Variants in PIP5K1C observed in about 807,000 individuals in gnomAD.
PIP5K1C encodes the protein phosphatidylinositol 4-phosphate 5-kinase type-1 gamma.
A neutral mutation model predicts 80.1 loss-of-function variants in PIP5K1C; 45 were observed. That is an observed-to-expected ratio of 0.56 (90% CI 0.44 to 0.72). PIP5K1C has a LOEUF of 0.72. PIP5K1C is among the 30% of genes least tolerant of loss of function. PIP5K1C has a pLI of 0.00. For missense variants in PIP5K1C, 753 were observed against 954.6 expected, an observed-to-expected ratio of 0.79 and a Z score of 2.78; for synonymous variants, 498 against 420.1, an observed-to-expected ratio of 1.19 and a Z score of -2.27.
At chr19:3,643,085 C>T (rs540681723) in intron 13 of PIP5K1C, 146 bp from the exon 14 acceptor site, 69 of 1,468,022 alleles carry the variant, frequency 4.7e-5, no homozygotes, top group Admixed American at 1.4e-4. Context: ...ACATTGGATG[C>T]TCCGCCCCCG....
chr19:3,678,475 T>C lies in PIP5K1C; in HGVS notation c.95-11122A>G, dbSNP rs144527506. Among the ~76,000 whole-genome samples the C allele has an allele frequency of 7.8e-3, 403 of 51,804 alleles. 11 individuals carry two copies. The highest frequency in any genetic ancestry group is 0.06 in the Admixed American group (278 of 4,646). The allele number at this position is 51,804 out of a possible 152,430, so 34.0% of individuals were successfully genotyped here. A position where few individuals can be genotyped will look rare whatever the true frequency, so the allele number is the denominator to read the frequency against. The stretch of plus-strand genomic sequence containing the variant: ...GATGGAGGGATGGAGGATGGAGGGA[T>C]GGAGGAGGGATGGAGGCAAGGAGGA... On this transcript the variant is annotated intron_variant, in intron 1 of 17. Coordinates refer to ENST00000335312, the MANE Select transcript of PIP5K1C (RefSeq NM_012398.3).
rs576349171 is a variant in PIP5K1C at position 3,695,061 on chromosome 19, C to T, written c.94+5236G>A. On this transcript the variant is annotated intron_variant, in intron 1 of 17. Coordinates refer to ENST00000335312, the MANE Select transcript of PIP5K1C (RefSeq NM_012398.3). ...CCAATAAAACTTTGTTGACAAGAAG[C>T]GGCATGGACAGATTCGGGTGGGGTC... Among the ~76,000 whole-genome samples, 180 of 152,346 alleles carry T rather than the reference C, an allele frequency of 1.2e-3. 1 individual carries two copies. The highest frequency in any genetic ancestry group is 4.1e-3 in the African/African-American group (172 of 41,574).
At position 3,633,377 on chromosome 19, in the gene PIP5K1C, C is replaced by A. The variant is rs552957217; in HGVS notation, c.2004+60G>T. ...CCCTGCCTATCCCAGTAGCTGGGGA[C>A]CACGCTCAGTAGAACCTTGGAGCCC... is the stretch of plus-strand genomic sequence containing the variant. On this transcript the variant is annotated intron_variant, in intron 17 of 17. Transcript: ENST00000335312. 1.2e-3 allele frequency: 1,616 copies of A among 1,321,080 alleles called. 20 individuals are homozygous for A. The highest frequency in any genetic ancestry group is 3.7e-4 in the Non-Finnish European group (357 of 975,078). 81.8% of individuals were successfully genotyped at this position (1,321,080 alleles called of 1,614,324 possible).
At chr19:3,646,843 G>T (rs891633805) in intron 10 of PIP5K1C, among the ~76,000 whole-genome samples, 1 of 152,100 alleles carries the variant, frequency 6.6e-6, no homozygotes, top group African/African-American at 2.4e-5. Context: ...GGCCCCAGGC[G>T]GTACTCTGCG....
At chr19:3,659,154 C>T (rs552095334) in intron 5 of PIP5K1C, among the ~76,000 whole-genome samples, 54 of 152,348 alleles carry the variant, frequency 3.5e-4, no homozygotes, top group African/African-American at 1.1e-3. Flanking sequence ...CGAACCCTAC[C>T]TGTCCCCACT....
rs563667523 is a variant in PIP5K1C, at chr19:3,687,055, T to C, written c.94+13242A>G. On this transcript the variant is annotated intron_variant, in intron 1 of 17. Coordinates refer to ENST00000335312, the MANE Select transcript of PIP5K1C (RefSeq NM_012398.3). ...TAAAAACACAAAAATTAGCCGGGCA[T>C]AGTGGTGCACACCTATAATCCCAGC... 2.0e-5 allele frequency among the ~76,000 whole-genome samples: 3 copies of C among 152,256 alleles called. No individual in the cohort carries two copies. The East Asian group carries it at 5.8e-4, about 29-fold the overall frequency.
chr19:3,637,531 C>G lies in PIP5K1C; in HGVS notation c.1920+1353G>C, dbSNP rs1374626012. ...TCCCCAGGGTGGCCGGCTGCGGTCA[C>G]TTACAGTCCCCGAGGCGCTCAGCGT... On this transcript the variant is annotated intron_variant, in intron 16 of 17. Coordinates refer to ENST00000335312, the MANE Select transcript of PIP5K1C (RefSeq NM_012398.3). This position sits in a 1 kb window ranked among gnomAD's most constrained non-coding sequence, Gnocchi z 7.0. 1 of 1,534,742 alleles carries G rather than the reference C, an allele frequency of 6.5e-7. No individual in the cohort carries two copies. The highest frequency in any genetic ancestry group is 8.7e-7 in the Non-Finnish European group (1 of 1,146,394).
At chr19:3,650,539 A>G (rs995552725) in intron 8 of PIP5K1C, among the ~76,000 whole-genome samples, 13 of 152,158 alleles carry the variant, frequency 8.5e-5, no homozygotes, top group Admixed American at 7.9e-4. Context: ...GCTGCTCAGC[A>G]CCCTGCAGTG....
intron 16 of PIP5K1C, among the ~76,000 whole-genome samples, chr19:3,635,547 T>TG (rs746886247): frequency 5.9e-5 from 9 of 152,106 alleles, no homozygotes; most frequent in Non-Finnish European, 1.3e-4. Context: ...TATTGGGGCA[T>TG]GGTGGCAGGA....
chr19:3,648,744 G>T lies in PIP5K1C; in HGVS notation c.1128-36C>A. ...AGGCCGAGGGTACCATCAGCATCCCGCAGAGCTGGGACTCGGGGCAGGCGG... is the reference window on the plus strand; with the variant it reads ...AGGCCGAGGGTACCATCAGCATCCCTCAGAGCTGGGACTCGGGGCAGGCGG... On this transcript the variant is annotated intron_variant, in intron 8 of 17. Coordinates refer to ENST00000335312, the MANE Select transcript of PIP5K1C (RefSeq NM_012398.3). The surrounding 1 kb of genome is among the most constrained non-coding windows in gnomAD (Gnocchi z 4.3). 1 of 1,575,402 alleles carries T rather than the reference G, an allele frequency of 6.3e-7. No homozygotes were observed. The highest frequency in any genetic ancestry group is 8.7e-7 in the Non-Finnish European group (1 of 1,145,964).
chr19:3,644,996 G>C (rs1284737927), intron 11 of PIP5K1C, among the ~76,000 whole-genome samples: 1 of 152,262 alleles, frequency 6.6e-6, no homozygotes, highest in Non-Finnish European at 1.5e-5. Context: ...AGAGAGTGGG[G>C]TGTGGGGACA....
Position 3,637,987 on chromosome 19 carries a change from T to A in PIP5K1C, c.1920+897A>T. ...CCTTCTCCAGGGCCAGGTGGGTGCA[T>A]GGGGACCCCAGAGGCGCCACTGGAG... On this transcript the variant is annotated intron_variant, in intron 16 of 17. Transcript: ENST00000335312. The surrounding 1 kb of genome is among the most constrained non-coding windows in gnomAD (Gnocchi z 7.0). 1 of 1,527,302 alleles carries A rather than the reference T, an allele frequency of 6.5e-7. No homozygotes were observed. The highest frequency in any genetic ancestry group is 8.8e-7 in the Non-Finnish European group (1 of 1,142,810). 94.6% of individuals were successfully genotyped at this position (1,527,302 alleles called of 1,614,324 possible).
chr19:3,679,988 C>A (rs761145341), intron 1 of PIP5K1C, among the ~76,000 whole-genome samples: 43 of 152,300 alleles, frequency 2.8e-4, no homozygotes, highest in Non-Finnish European at 5.0e-4. Context: ...GGGATCCCAG[C>A]TCCTGCCCTC....
chr19:3,668,063 C>T (rs1351462523), intron 1 of PIP5K1C, among the ~76,000 whole-genome samples: 1 of 151,674 alleles, frequency 6.6e-6, no homozygotes, highest in Non-Finnish European at 1.5e-5. Context: ...GCTCCTGGGC[C>T]CGCAGCCTCC....
At chr19:3,643,500 A>G in intron 12 of PIP5K1C, 119 bp from the exon 13 acceptor site, 1 of 1,179,614 alleles carries the variant, frequency 8.5e-7, no homozygotes, top group Non-Finnish European at 1.2e-6. Flanking sequence ...CCCGCCTCCC[A>G]GACACTCCCA....
intron 6 of PIP5K1C, 47 bp downstream of exon 6, chr19:3,656,358 A>G (rs748039613): frequency 6.2e-7 from 1 of 1,607,804 alleles, no homozygotes; most frequent in Admixed American, 1.7e-5. Flanking sequence ...AGCCGGGAGA[A>G]GGGGGTTGAC....
At chr19:3,684,073 G>A (rs976958559) in intron 1 of PIP5K1C, among the ~76,000 whole-genome samples, 37 of 152,026 alleles carry the variant, frequency 2.4e-4, no homozygotes, top group Non-Finnish European at 3.7e-4. Context: ...CAGATGCTTC[G>A]GTGCCTGGAG....
At chr19:3,676,006 G>A (rs555987746) in intron 1 of PIP5K1C, among the ~76,000 whole-genome samples, 4 of 152,294 alleles carry the variant, frequency 2.6e-5, no homozygotes, top group South Asian at 2.1e-4. Flanking sequence ...ACCAGGTGCC[G>A]ACCAAGCTCT....
chr19:3,645,562 G>A (rs750725738), intron 11 of PIP5K1C, among the ~76,000 whole-genome samples: 1 of 152,164 alleles, frequency 6.6e-6, no homozygotes, highest in African/African-American at 2.4e-5. Flanking sequence ...TCCCCTGCCC[G>A]GGGTGCGTTT....
Sources: allele counts gnomAD v4.1 joint callset (sites outside exome capture counted in the v4.1 genomes callset), GRCh38; gene constraint gnomAD v4.1.1; non-coding constraint Gnocchi (gnomAD v3.1); transcripts MANE v1.5; gene names NCBI Gene and HGNC (gene_info 2026-07-23, HGNC 2026-07-21).